VAT1L: variants seen among roughly 807,000 people sequenced by gnomAD.
The protein encoded by VAT1L is vesicle amine transport 1 like.
A neutral mutation model predicts 44.1 loss-of-function variants in VAT1L; 34 were observed. The observed-to-expected ratio is 0.77, with a 90% CI of 0.59 to 1.03. VAT1L has a LOEUF of 1.03. VAT1L is among the 50% of genes least tolerant of loss of function. VAT1L has a pLI of 0.00. For missense variants in VAT1L, 615 were observed against 538.8 expected (o/e 1.14, Z -1.40); for synonymous variants, 253 against 202.2 (o/e 1.25, Z -2.13).
chr16:77,822,213 C>G (rs1426141136), intron 2 of VAT1L, among the ~76,000 whole-genome samples: 1 of 152,180 alleles, frequency 6.6e-6, no homozygotes, highest in South Asian at 2.1e-4. Flanking sequence ...TGGCTCACTG[C>G]AAACTCTGCC....
At chr16:77,824,323 G>C (rs992510470) in intron 2 of VAT1L, among the ~76,000 whole-genome samples, 3 of 152,178 alleles carry the variant, frequency 2.0e-5, no homozygotes, top group Non-Finnish European at 4.4e-5. Context: ...GGAGAGGAGA[G>C]GGTAGTGGCT....
intron 3 of VAT1L, among the ~76,000 whole-genome samples, chr16:77,838,620 T>A (rs747291928): frequency 2.0e-5 from 3 of 151,968 alleles, no homozygotes; most frequent in Non-Finnish European, 4.4e-5. Flanking sequence ...CGCAACAAAC[T>A]GATCTATACT....
At chr16:77,968,797 T>C (rs388417) in intron 7 of VAT1L, among the ~76,000 whole-genome samples, 148,856 of 152,186 alleles carry the variant, frequency 0.98, 72,884 homozygotes, top group Middle Eastern at 1. Flanking sequence ...GATTAATTTT[T>C]TTAATTACTG....
chr16:77,847,347 A>G (rs965261678), intron 3 of VAT1L, among the ~76,000 whole-genome samples: 5 of 152,162 alleles, frequency 3.3e-5, no homozygotes, highest in African/African-American at 1.2e-4. Context: ...GACAGAAACC[A>G]AAATAATCAC....
chr16:77,856,061 G>C (rs1279044616), intron 3 of VAT1L, among the ~76,000 whole-genome samples: 1 of 152,108 alleles, frequency 6.6e-6, no homozygotes, highest in Non-Finnish European at 1.5e-5. Flanking sequence ...GTGATAGAAT[G>C]AATGACTCAA....
At chr16:77,854,185 C>T (rs1263467645) in intron 3 of VAT1L, among the ~76,000 whole-genome samples, 1 of 152,078 alleles carries the variant, frequency 6.6e-6, no homozygotes, top group Non-Finnish European at 1.5e-5. Flanking sequence ...AAATGCCTGT[C>T]CCACTCTTTT....
chr16:77,943,320 G>A (rs1378547362), intron 7 of VAT1L, among the ~76,000 whole-genome samples: 1 of 151,570 alleles, frequency 6.6e-6, no homozygotes, highest in Non-Finnish European at 1.5e-5. Context: ...GCCTCCCAAA[G>A]TGCTGCGATT....
At chr16:77,914,932 C>T (rs919922387) in intron 7 of VAT1L, among the ~76,000 whole-genome samples, 1 of 152,170 alleles carries the variant, frequency 6.6e-6, no homozygotes, top group African/African-American at 2.4e-5. Flanking sequence ...TCGAGACCAG[C>T]CTGACCAACA....
chr16:77,944,419 T>C (rs1016307032), intron 7 of VAT1L, among the ~76,000 whole-genome samples: 2 of 152,172 alleles, frequency 1.3e-5, no homozygotes, highest in Non-Finnish European at 2.9e-5. Flanking sequence ...AAGCAATAAA[T>C]GACCGAAGGA....
intron 7 of VAT1L, among the ~76,000 whole-genome samples, chr16:77,913,092 T>G (rs2017515813): frequency 6.6e-6 from 1 of 152,158 alleles, no homozygotes; most frequent in Admixed American, 6.6e-5. Context: ...TATAGCAGCT[T>G]TTGCTGTTTC....
intron 3 of VAT1L, among the ~76,000 whole-genome samples, chr16:77,834,853 G>A (rs946650466): frequency 6.6e-6 from 1 of 152,098 alleles, no homozygotes; most frequent in Non-Finnish European, 1.5e-5. Context: ...TTACCACCGC[G>A]AGCAAAATAC....
intron 7 of VAT1L, among the ~76,000 whole-genome samples, chr16:77,906,787 C>G (rs1597092733): frequency 6.6e-6 from 1 of 152,192 alleles, no homozygotes; most frequent in Non-Finnish European, 1.5e-5. Context: ...TCAGAGCTAC[C>G]TCTGGGTGAA....
intron 7 of VAT1L, among the ~76,000 whole-genome samples, chr16:77,939,457 C>T (rs1158701410): frequency 6.6e-6 from 1 of 152,194 alleles, no homozygotes; most frequent in Non-Finnish European, 1.5e-5. Context: ...GCAAGTGCCA[C>T]AAATCAGGGC....
intron 3 of VAT1L, among the ~76,000 whole-genome samples, chr16:77,849,395 A>T (rs923815525): frequency 1.3e-5 from 2 of 152,200 alleles, no homozygotes; most frequent in Non-Finnish European, 2.9e-5. Flanking sequence ...ATTCATCTCC[A>T]TGTTTTTATG....
At position 77,833,617 on chromosome 16, in the gene VAT1L, G is replaced by A. The variant is rs946199443; in HGVS notation, c.579+8156G>A. 2.6e-5 allele frequency among the ~76,000 whole-genome samples: 4 copies of A among 152,158 alleles called. 1 individual carries two copies. The highest frequency in any genetic ancestry group is 9.7e-5 in the African/African-American group (4 of 41,434). ...AATACAAAAATTAGCTGGGCATGGT[G>A]GCGTGTGCCTGTAATCCCAGCTACT... On this transcript the variant is annotated intron_variant, in intron 3 of 8. Coordinates refer to ENST00000302536, the MANE Select transcript of VAT1L (RefSeq NM_020927.3).
At position 77,949,901 on chromosome 16, in the gene VAT1L, C is replaced by G. The variant is rs563970761; in HGVS notation, c.1078-21949C>G. The stretch of plus-strand genomic sequence containing the variant: ...CCCTTTGTGAAGCACGTGGCTCTTC[C>G]TAGACAGTTGGTTGTCACTTTTATT... On this transcript the variant is annotated intron_variant, in intron 7 of 8. Coordinates refer to ENST00000302536, the MANE Select transcript of VAT1L (RefSeq NM_020927.3). Among the ~76,000 whole-genome samples, 3 of 152,332 alleles carry G rather than the reference C, an allele frequency of 2.0e-5. No individual in the cohort carries two copies. In the East Asian group the frequency reaches 5.8e-4, roughly 29 times the overall value.
At chr16:77,904,960 C>A (rs1395199246) in intron 7 of VAT1L, among the ~76,000 whole-genome samples, 1 of 152,034 alleles carries the variant, frequency 6.6e-6, no homozygotes, top group Non-Finnish European at 1.5e-5. Flanking sequence ...AATCAAAATA[C>A]CTCAAGGAAA....
Position 77,879,836 on chromosome 16 carries a change from G to A in VAT1L, c.882+612G>A, listed in dbSNP as rs2017130717. Among the ~76,000 whole-genome samples, 1 of 152,164 alleles carries A rather than the reference G, an allele frequency of 6.6e-6. No homozygotes were observed. Among genetic ancestry groups the A allele is most frequent in the African/African-American group, 2.4e-5 (1 of 41,436 alleles). On this transcript the variant is annotated intron_variant, in intron 6 of 8. Transcript: ENST00000302536. This position sits in a 1 kb window ranked among gnomAD's most constrained non-coding sequence, Gnocchi z 4.1. The stretch of plus-strand genomic sequence containing the variant: ...GGTCAAAAATGAACTTAGCATTAGT[G>A]CATTTTCTTTGCTCCATAGAGCGGC...
At chr16:77,826,124 G>A (rs113320891) in intron 3 of VAT1L, among the ~76,000 whole-genome samples, 26,670 of 145,750 alleles carry the variant, frequency 0.18, 2,953 homozygotes, top group East Asian at 0.28. Flanking sequence ...GGAGAATGGC[G>A]TGAACCCGGG....
Sources: gnomAD v4.1 joint callset for allele counts (sites outside exome capture counted in the v4.1 genomes callset) on GRCh38, gnomAD v4.1.1 for gene constraint, Gnocchi (gnomAD v3.1) non-coding constraint, MANE v1.5 for transcripts, NCBI Gene and HGNC (gene_info 2026-07-23, HGNC 2026-07-21) for gene names.